The following SPATA16 variants were observed in gnomAD, a reference collection of about 807,000 sequenced individuals.
SPATA16 encodes spermatogenesis associated 16.
In SPATA16, 36 loss-of-function variants were observed where a neutral mutation model predicts 63.3. The ratio of observed to expected loss-of-function variants is 0.57; its 90% CI spans 0.44 to 0.75. SPATA16 has a LOEUF of 0.75. Among genes scored for constraint, SPATA16 ranks in the 30% least tolerant of loss-of-function variants. The pLI, the probability that SPATA16 is intolerant of heterozygous loss-of-function variation, is 0.00. For synonymous variants in SPATA16, 203 were observed against 216.7 expected (o/e 0.94, Z 0.56); for missense variants, 646 against 679.3 (o/e 0.95, Z 0.54).
chr3:173,119,153 C>T (rs1247967181), intron 1 of SPATA16, among the ~76,000 whole-genome samples: 15 of 151,434 alleles, frequency 9.9e-5, no homozygotes, highest in African/African-American at 1.9e-4. Flanking sequence ...TGGGGCCTGT[C>T]GAGGGGGTGT....
At chr3:172,931,146 T>A (rs1018371729) in intron 6 of SPATA16, among the ~76,000 whole-genome samples, 4 of 152,200 alleles carry the variant, frequency 2.6e-5, no homozygotes, top group Non-Finnish European at 4.4e-5. Flanking sequence ...GGAACATTTA[T>A]GTTCACTCCA....
At chr3:172,985,502 T>G (rs542308126) in intron 4 of SPATA16, among the ~76,000 whole-genome samples, 4 of 152,318 alleles carry the variant, frequency 2.6e-5, no homozygotes, top group Non-Finnish European at 5.9e-5. Context: ...TTTAGCATAT[T>G]TGACATGCCA....
chr3:172,954,597 G>A (rs1340341393), intron 6 of SPATA16, among the ~76,000 whole-genome samples: 1 of 152,084 alleles, frequency 6.6e-6, no homozygotes, highest in Non-Finnish European at 1.5e-5. Flanking sequence ...TGCATCTTCT[G>A]GGAGAGGTGT....
chr3:173,123,713 C>T (rs191585183), intron 1 of SPATA16, among the ~76,000 whole-genome samples: 11 of 151,426 alleles, frequency 7.3e-5, no homozygotes, highest in East Asian at 3.9e-4. Flanking sequence ...AAGTGATTCT[C>T]CTGCCTCAGC....
rs1733606875 is a variant in SPATA16, at chr3:172,956,785, A to G, written c.973T>C (p.Ser325Pro). The G allele has an allele frequency of 6.2e-7, 1 of 1,613,358 alleles. No homozygotes were observed. The highest frequency in any genetic ancestry group is 1.1e-5 in the South Asian group (1 of 91,078). The change falls in exon 6 of 11, where the codon TCG (serine) becomes CCG (proline). Residue 325 changes from serine (S) to proline (P), a missense_variant. Transcript: ENST00000351008. ...EEAITRAESFSVMYTPFATKI... is the reference protein window; with the variant it reads ...EEAITRAESFPVMYTPFATKI... ...GTCGCAAATGGTGTGTACATAACCG[A>G]GAAAGATTCAGCTCTGGTGATGGCT...
At chr3:173,025,589 T>G (rs1735434180) in intron 3 of SPATA16, among the ~76,000 whole-genome samples, 1 of 151,888 alleles carries the variant, frequency 6.6e-6, no homozygotes, top group Non-Finnish European at 1.5e-5. Flanking sequence ...TAAACAGTTC[T>G]CTCATTTTCC....
intron 10 of SPATA16, among the ~76,000 whole-genome samples, chr3:172,890,517 A>G (rs895683507): frequency 6.6e-6 from 1 of 152,168 alleles, no homozygotes; most frequent in African/African-American, 2.4e-5. Context: ...AGTTAACTCA[A>G]AGCTAGAGCA....
At chr3:172,913,457 C>T (rs928150650) in intron 10 of SPATA16, among the ~76,000 whole-genome samples, 3 of 151,888 alleles carry the variant, frequency 2.0e-5, no homozygotes, top group Non-Finnish European at 4.4e-5. Flanking sequence ...ATGAACACAG[C>T]CTGTTGGAAA....
At chr3:173,109,078 A>G (rs1385361008) in intron 2 of SPATA16, among the ~76,000 whole-genome samples, 1 of 152,178 alleles carries the variant, frequency 6.6e-6, no homozygotes, top group African/African-American at 2.4e-5. Context: ...GATACAAATT[A>G]TAGTGTAGGC....
chr3:173,099,876 G>A (rs1443626736), intron 2 of SPATA16, among the ~76,000 whole-genome samples: 2 of 152,138 alleles, frequency 1.3e-5, no homozygotes, highest in African/African-American at 4.8e-5. Context: ...CTTCAGCTAA[G>A]CCTCTGGGAT....
intron 4 of SPATA16, among the ~76,000 whole-genome samples, chr3:173,002,622 A>C (rs990125246): frequency 6.6e-6 from 1 of 152,230 alleles, no homozygotes; most frequent in Non-Finnish European, 1.5e-5. Flanking sequence ...TAGACATGGC[A>C]TTCCTGAAAA....
chr3:173,119,054 C>A (rs1258368353), intron 1 of SPATA16, among the ~76,000 whole-genome samples: 1 of 152,040 alleles, frequency 6.6e-6, no homozygotes, highest in Non-Finnish European at 1.5e-5. Context: ...CCGAAGAAGA[C>A]CCTTAAAACC....
chr3:173,121,141 A>T (rs1391315558), intron 1 of SPATA16, among the ~76,000 whole-genome samples: 4 of 152,190 alleles, frequency 2.6e-5, no homozygotes, highest in Non-Finnish European at 5.9e-5. Flanking sequence ...AAGCATGGCC[A>T]AATCCAACCA....
chr3:172,928,823 A>T (rs1360941904), intron 6 of SPATA16, among the ~76,000 whole-genome samples: 1 of 152,112 alleles, frequency 6.6e-6, no homozygotes, highest in Admixed American at 6.5e-5. Flanking sequence ...CTATATACAT[A>T]TGGTTAAATT....
intron 2 of SPATA16, among the ~76,000 whole-genome samples, chr3:173,070,791 A>C (rs1577159524): frequency 6.6e-6 from 1 of 152,326 alleles, no homozygotes; most frequent in East Asian, 1.9e-4. Context: ...ACTATAAAAC[A>C]TTGATGAAAG....
At chr3:173,120,090 A>T (rs967937182) in intron 1 of SPATA16, among the ~76,000 whole-genome samples, 1 of 129,844 alleles carries the variant, frequency 7.7e-6, no homozygotes, top group Non-Finnish European at 1.5e-5. Flanking sequence ...TCCATCTCAA[A>T]AAAAAAAAAA....
intron 10 of SPATA16, among the ~76,000 whole-genome samples, chr3:172,907,582 G>GTT (rs138562877): frequency 7.5e-5 from 11 of 146,148 alleles, no homozygotes; most frequent in Non-Finnish European, 1.1e-4. Flanking sequence ...TGTTTTTTTT[G>GTT]TTTTTTTTTT....
intron 3 of SPATA16, among the ~76,000 whole-genome samples, chr3:173,028,013 C>CCCTCCCTTCTTT (rs1560100953): frequency 9.1e-4 from 32 of 35,056 alleles, no homozygotes; most frequent in African/African-American, 1.1e-3. Flanking sequence ...CTCCCTCCCT[C>CCCTCCCTTCTTT]CCTTCCTTCT....
intron 4 of SPATA16, among the ~76,000 whole-genome samples, chr3:172,999,788 A>G (rs1734775885): frequency 6.6e-6 from 1 of 152,210 alleles, no homozygotes; most frequent in African/African-American, 2.4e-5. Flanking sequence ...AGTTTTATTA[A>G]TCTTTTCAAA....
Sources: allele counts gnomAD v4.1 joint callset (sites outside exome capture counted in the v4.1 genomes callset), GRCh38; gene constraint gnomAD v4.1.1; transcripts MANE v1.5; gene names NCBI Gene and HGNC (gene_info 2026-07-23, HGNC 2026-07-21).